Variants in CACNA2D3 observed in about 807,000 individuals in gnomAD.
The protein encoded by CACNA2D3 is calcium voltage-gated channel auxiliary subunit alpha2delta 3.
CACNA2D3 carries 60 observed loss-of-function variants against 160.6 expected under a neutral mutation model. The ratio of observed to expected loss-of-function variants is 0.37; its 90% CI spans 0.30 to 0.46. CACNA2D3 has a LOEUF of 0.46. Ranked by LOEUF, CACNA2D3 falls within the 20% of genes least tolerant of loss-of-function variation. The pLI is 1.00. For synonymous variants in CACNA2D3, 558 were observed against 492.9 expected, an observed-to-expected ratio of 1.13 and a Z score of -1.75; for missense variants, 1,205 against 1,365.0, an observed-to-expected ratio of 0.88 and a Z score of 1.85.
At chr3:55,032,514 T>C (rs1703706728) in intron 35 of CACNA2D3, among the ~76,000 whole-genome samples, 1 of 152,178 alleles carries the variant, frequency 6.6e-6, no homozygotes, top group South Asian at 2.1e-4. Context: ...TTTCTTAGTC[T>C]TCCTCCCCCA....
At chr3:54,488,796 G>A (rs1054739440) in intron 4 of CACNA2D3, among the ~76,000 whole-genome samples, 2 of 152,108 alleles carry the variant, frequency 1.3e-5, no homozygotes, top group African/African-American at 2.4e-5. Context: ...TAGAGCAGAG[G>A]CCCTATCAAC....
intron 12 of CACNA2D3, among the ~76,000 whole-genome samples, chr3:54,760,020 C>T (rs901782432): frequency 3.3e-5 from 5 of 152,198 alleles, no homozygotes; most frequent in African/African-American, 1.2e-4. Flanking sequence ...GTGAATGTTC[C>T]CACCTTACTA....
At position 54,871,591 on chromosome 3, in the gene CACNA2D3, C is replaced by T. The variant is rs1699536013; in HGVS notation, c.1679C>T (p.Ser560Phe). The T allele has an allele frequency of 6.2e-7, 1 of 1,613,424 alleles. No homozygotes were observed. Among genetic ancestry groups the T allele is most frequent in the Non-Finnish European group, 8.5e-7 (1 of 1,179,426 alleles). ...RKPNYSSVDLSEVEWEDRDDV... is the reference protein window; with the variant it reads ...RKPNYSSVDLFEVEWEDRDDV... ...CCTAACTATAGTAGCGTTGACCTCT[C>T]TGAGGTGGAGTGGGAAGACCGAGAT... The change falls in exon 18 of 38, where the codon TCT becomes TTT. Residue 560 changes from serine (S) to phenylalanine (F), a missense_variant. Ser to Phe is a radical substitution (Grantham distance 155). Transcript: ENST00000474759.
At chr3:55,007,663 C>A in intron 32 of CACNA2D3, 127 bp from the exon 33 acceptor site, 1 of 633,502 alleles carries the variant, frequency 1.6e-6, no homozygotes, top group Non-Finnish European at 2.7e-6. Flanking sequence ...AGCTAGAACG[C>A]CACTGTTTTT....
intron 2 of CACNA2D3, among the ~76,000 whole-genome samples, chr3:54,224,001 A>G (rs1377318440): frequency 6.6e-6 from 1 of 152,064 alleles, no homozygotes; most frequent in African/African-American, 2.4e-5. Context: ...TGTAAAAAAT[A>G]TTTTCCTTTT....
chr3:54,831,676 A>G (rs1260092409), intron 14 of CACNA2D3, among the ~76,000 whole-genome samples: 1 of 152,152 alleles, frequency 6.6e-6, no homozygotes, highest in Non-Finnish European at 1.5e-5. Context: ...ATATGCAACC[A>G]TCCATCTTGG....
intron 13 of CACNA2D3, among the ~76,000 whole-genome samples, chr3:54,785,371 C>T (rs755748055): frequency 6.6e-5 from 10 of 152,116 alleles, no homozygotes; most frequent in African/African-American, 9.7e-5. Context: ...ATCTGACATC[C>T]AGCCATGTGT....
rs2107138535 is a variant in CACNA2D3 at position 55,004,930 on chromosome 3, TA to T, written c.2766+93del. On this transcript the variant is annotated intron_variant, in intron 32 of 37. Transcript: ENST00000474759. Reference sequence around the variant, plus strand: ...TCTTCCTCTTTGGAGTAATCAAGTTTATCTTTTTGCAAAATCATGAACATTT... The same window carrying T: ...TCTTCCTCTTTGGAGTAATCAAGTTTTCTTTTTGCAAAATCATGAACATTT... 3.5e-6 allele frequency: 3 copies of T among 868,378 alleles called. No homozygotes were observed. The South Asian group carries it at 4.8e-5, about 14-fold the overall frequency. 53.8% of individuals were successfully genotyped at this position (868,378 alleles called of 1,614,324 possible).
intron 5 of CACNA2D3, among the ~76,000 whole-genome samples, chr3:54,535,281 T>C (rs1164161929): frequency 3.3e-5 from 5 of 152,230 alleles, no homozygotes; most frequent in South Asian, 2.1e-4. Context: ...AGTCCTCCAG[T>C]TGATTCTGAT....
chr3:54,444,417 AG>A (rs1184854291), intron 4 of CACNA2D3, among the ~76,000 whole-genome samples: 12 of 152,298 alleles, frequency 7.9e-5, no homozygotes, highest in African/African-American at 2.9e-4. Context: ...ATTCCCTGTT[AG>A]TTTAAGTTGC....
At position 54,777,956 on chromosome 3, in the gene CACNA2D3, A is replaced by G. The variant is rs114933153; in HGVS notation, c.1380+13605A>G. 9.2e-3 allele frequency among the ~76,000 whole-genome samples: 1,403 copies of G among 152,362 alleles called. 23 individuals are homozygous for G. The highest frequency in any genetic ancestry group is 0.031 in the African/African-American group (1,304 of 41,588). On this transcript the variant is annotated intron_variant, in intron 13 of 37. Transcript: ENST00000474759. ...TATTTTAATTGTCAACTAATAAGTT[A>G]GAGAATCTAAAGGCTCACTGCTGGC... is the stretch of plus-strand genomic sequence containing the variant.
At chr3:54,249,555 A>C in intron 2 of CACNA2D3, among the ~76,000 whole-genome samples, 2 of 135,330 alleles carry the variant, frequency 1.5e-5, no homozygotes, top group African/African-American at 5.6e-5. Context: ...GTCTCTGTTT[A>C]CGTACACACA....
intron 11 of CACNA2D3, among the ~76,000 whole-genome samples, chr3:54,669,723 ATGAC>A (rs1418921453): frequency 6.6e-6 from 1 of 151,974 alleles, no homozygotes; most frequent in Non-Finnish European, 1.5e-5. Context: ...AGTTGGGACA[ATGAC>A]TGGGGCTCTT....
intron 37 of CACNA2D3, 44 bp downstream of exon 37, chr3:55,073,903 AC>A: frequency 6.7e-7 from 1 of 1,489,448 alleles, no homozygotes; most frequent in Non-Finnish European, 9.4e-7. Context: ...CATCAGAATC[AC>A]CACGAGAGTC....
intron 35 of CACNA2D3, among the ~76,000 whole-genome samples, chr3:55,070,216 T>C (rs777945325): frequency 6.6e-6 from 1 of 152,116 alleles, no homozygotes; most frequent in Non-Finnish European, 1.5e-5. Flanking sequence ...AGAAGGAAAG[T>C]GGTGAAGTCA....
chr3:54,205,506 G>A (rs1178544441), intron 2 of CACNA2D3, among the ~76,000 whole-genome samples: 1 of 152,238 alleles, frequency 6.6e-6, no homozygotes, highest in Non-Finnish European at 1.5e-5. Context: ...TTTATGGCCA[G>A]TGTTTACATT....
Position 54,371,282 on chromosome 3 carries a change from A to G in CACNA2D3, c.322-15433A>G, listed in dbSNP as rs77796849. Among the ~76,000 whole-genome samples the G allele has an allele frequency of 6.0e-3, 914 of 152,232 alleles. 15 individuals carry two copies. The East Asian group carries it at 0.063, about 10-fold the overall frequency. On this transcript the variant is annotated intron_variant, in intron 3 of 37. Transcript: ENST00000474759. ...GTAACTCTTGTATTTAACCTTTTGAATGACTTTCCAAAGTGAACATACCAT... is the reference window on the plus strand; with the variant it reads ...GTAACTCTTGTATTTAACCTTTTGAGTGACTTTCCAAAGTGAACATACCAT...
intron 3 of CACNA2D3, among the ~76,000 whole-genome samples, chr3:54,338,983 A>G (rs1704456690): frequency 6.6e-6 from 1 of 152,188 alleles, no homozygotes; most frequent in Non-Finnish European, 1.5e-5. Flanking sequence ...CCCTGGGATT[A>G]TTTCGCAGTC....
chr3:54,746,139 ATC>A (rs1701749682), intron 11 of CACNA2D3, among the ~76,000 whole-genome samples: 1 of 152,204 alleles, frequency 6.6e-6, no homozygotes, highest in African/African-American at 2.4e-5. Context: ...CTTTGAGCCC[ATC>A]TCTACTCTTG....
Sources: gnomAD v4.1 joint callset for allele counts (sites outside exome capture counted in the v4.1 genomes callset) on GRCh38, gnomAD v4.1.1 for gene constraint, MANE v1.5 for transcripts, NCBI Gene and HGNC (gene_info 2026-07-23, HGNC 2026-07-21) for gene names.